NEDD4L: variants seen among roughly 807,000 people sequenced by gnomAD.
The protein encoded by NEDD4L is E3 ubiquitin-protein ligase NEDD4-like.
Under a neutral mutation model 148.9 loss-of-function variants are expected in NEDD4L, and 54 were observed. The ratio of observed to expected loss-of-function variants is 0.36; its 90% CI spans 0.29 to 0.45. The LOEUF (loss-of-function observed/expected upper bound fraction) is 0.45. NEDD4L is among the 20% of genes least tolerant of loss of function. The probability of loss-of-function intolerance (pLI) is 1.00; values close to 1 mark genes in which losing one functional copy is unlikely to be tolerated. For synonymous variants in NEDD4L, 433 were observed against 440.7 expected (o/e 0.98, Z 0.22); for missense variants, 856 against 1,233.8 (o/e 0.69, Z 4.59).
chr18:58,116,356 G>A (rs2085837978), intron 1 of NEDD4L, among the ~76,000 whole-genome samples: 1 of 152,202 alleles, frequency 6.6e-6, no homozygotes, highest in African/African-American at 2.4e-5. Flanking sequence ...AGAGATCCAT[G>A]AATTTTTTTC....
intron 2 of NEDD4L, among the ~76,000 whole-genome samples, chr18:58,224,616 G>T (rs900452861): frequency 6.6e-5 from 10 of 152,150 alleles, no homozygotes; most frequent in African/African-American, 2.2e-4. Context: ...CGTCCTGTGT[G>T]GTATTATATT....
At chr18:58,065,241 T>C (rs1409043403) in intron 1 of NEDD4L, among the ~76,000 whole-genome samples, 2 of 152,272 alleles carry the variant, frequency 1.3e-5, no homozygotes, top group African/African-American at 2.4e-5. Context: ...CTTTCCAATC[T>C]TTAGCAACGT....
At chr18:58,173,822 C>G (rs1282841283) in intron 2 of NEDD4L, among the ~76,000 whole-genome samples, 2 of 152,162 alleles carry the variant, frequency 1.3e-5, no homozygotes. Flanking sequence ...TCTGAACTTC[C>G]CCAGCTGACC....
intron 1 of NEDD4L, among the ~76,000 whole-genome samples, chr18:58,130,826 GT>G (rs1213298051): frequency 6.8e-6 from 1 of 147,610 alleles, no homozygotes; most frequent in African/African-American, 2.5e-5. Flanking sequence ...CTGTGGTAGT[GT>G]TGGCCTTTGT....
At chr18:58,192,066 G>T (rs2040181268) in intron 2 of NEDD4L, among the ~76,000 whole-genome samples, 1 of 152,182 alleles carries the variant, frequency 6.6e-6, no homozygotes, top group Non-Finnish European at 1.5e-5. Flanking sequence ...AGCTGCTCGG[G>T]AGGCTGAGGT....
chr18:58,191,387 G>A (rs1381733231), intron 2 of NEDD4L, among the ~76,000 whole-genome samples: 1 of 152,180 alleles, frequency 6.6e-6, no homozygotes, highest in Non-Finnish European at 1.5e-5. Context: ...AGCTTGTTCA[G>A]AATTGTGTTA....
intron 5 of NEDD4L, among the ~76,000 whole-genome samples, chr18:58,312,305 C>T (rs2057789018): frequency 6.6e-6 from 1 of 152,164 alleles, no homozygotes; most frequent in South Asian, 2.1e-4. Context: ...AAAATAACCA[C>T]AAGAAATACC....
At chr18:58,191,767 C>T (rs1458770208) in intron 2 of NEDD4L, among the ~76,000 whole-genome samples, 9 of 152,134 alleles carry the variant, frequency 5.9e-5, no homozygotes, top group African/African-American at 1.7e-4. Flanking sequence ...CAGTGAGAGG[C>T]GAGCCCTGAT....
At chr18:58,341,836 C>T in intron 15 of NEDD4L, 39 bp downstream of exon 15, 1 of 1,593,836 alleles carries the variant, frequency 6.3e-7, no homozygotes, top group Non-Finnish European at 8.5e-7. Flanking sequence ...TCACTCTGTC[C>T]TGTGACTCCC....
intron 9 of NEDD4L, among the ~76,000 whole-genome samples, chr18:58,325,696 A>G (rs1297836867): frequency 6.6e-6 from 1 of 152,198 alleles, no homozygotes; most frequent in African/African-American, 2.4e-5. Context: ...CAGAATTAGT[A>G]ATTACTGTGT....
intron 1 of NEDD4L, among the ~76,000 whole-genome samples, chr18:58,129,966 C>T (rs1175682462): frequency 8.1e-6 from 1 of 123,952 alleles, no homozygotes; most frequent in Non-Finnish European, 1.7e-5. Context: ...GTTTGGTTGA[C>T]TGTGATCTAG....
At chr18:58,383,598 A>G (rs1159671251) in intron 25 of NEDD4L, among the ~76,000 whole-genome samples, 1 of 152,220 alleles carries the variant, frequency 6.6e-6, no homozygotes, top group Non-Finnish European at 1.5e-5. Flanking sequence ...CTTTTGGAAT[A>G]TGTGGATATC....
intron 17 of NEDD4L, 91 bp from the exon 18 acceptor site, chr18:58,350,900 G>T: frequency 1.1e-6 from 1 of 925,006 alleles, no homozygotes. Flanking sequence ...AGAGTACAGA[G>T]GTGTTCTATA....
chr18:58,065,732 C>T (rs1046415637), intron 1 of NEDD4L, among the ~76,000 whole-genome samples: 17 of 152,198 alleles, frequency 1.1e-4, no homozygotes, highest in African/African-American at 4.1e-4. Flanking sequence ...TACGATAACA[C>T]CTCATTCAAA....
At chr18:58,311,288 G>A (rs2057667950) in intron 5 of NEDD4L, among the ~76,000 whole-genome samples, 1 of 152,198 alleles carries the variant, frequency 6.6e-6, no homozygotes, top group African/African-American at 2.4e-5. Flanking sequence ...AATACTTCCT[G>A]TGTACCATTT....
At chr18:58,252,082 G>A in intron 5 of NEDD4L, 28 bp downstream of exon 5, 1 of 1,496,862 alleles carries the variant, frequency 6.7e-7, no homozygotes, top group Non-Finnish European at 9.3e-7. Context: ...TTTGAATTTT[G>A]CTTCATTTTT....
At position 58,317,921 on chromosome 18, in the gene NEDD4L, A is replaced by G. The variant is rs9807785; in HGVS notation, c.348+1889A>G. ...CCAACTATAGTCAGAGAGATGGACC[A>G]CAAAGAAAACAAAAGGAGAGGCGTG... On this transcript the variant is annotated intron_variant, in intron 6 of 30. Transcript: ENST00000400345. Among the ~76,000 whole-genome samples, 1,203 of 152,334 alleles carry G rather than the reference A, an allele frequency of 7.9e-3. 20 individuals carry two copies. Among genetic ancestry groups the G allele is most frequent in the African/African-American group, 0.028 (1,149 of 41,560 alleles).
intron 6 of NEDD4L, among the ~76,000 whole-genome samples, chr18:58,317,110 T>C (rs2058357820): frequency 6.6e-6 from 1 of 152,250 alleles, no homozygotes; most frequent in Non-Finnish European, 1.5e-5. Context: ...TCAGGGGAGC[T>C]GTTAAGGAAG....
In NEDD4L at chr18:58,401,280, AT is replaced by A. The variant is rs922635863; in HGVS notation, c.*5018del. The A allele has an allele frequency of 1.3e-5, 2 of 152,194 alleles. No individual in the cohort carries two copies. Among genetic ancestry groups the A allele is most frequent in the South Asian group, 2.1e-4 (1 of 4,824 alleles). The allele number at this position is 152,194 out of a possible 1,614,324, so 9.4% of individuals were successfully genotyped here. On this transcript the variant is annotated 3_prime_UTR_variant, in exon 31 of 31. Transcript: ENST00000400345. ...AGTGGTAAAAACCAAACTACCTTGA[AT>A]TTTTTTAAGGCAACTTATGAATAAT...
Sources: allele counts gnomAD v4.1 joint callset (sites outside exome capture counted in the v4.1 genomes callset), GRCh38; gene constraint gnomAD v4.1.1; transcripts MANE v1.5; gene names NCBI Gene and HGNC (gene_info 2026-07-23, HGNC 2026-07-21).